The following SMPD4 variants were observed in gnomAD, a reference collection of about 807,000 sequenced individuals.
SMPD4 encodes neutral sphingomyelinase 3.
Under a neutral mutation model 97.8 loss-of-function variants are expected in SMPD4, and 58 were observed. The ratio of observed to expected loss-of-function variants is 0.59; its 90% confidence interval spans 0.48 to 0.74. SMPD4 has a LOEUF of 0.74. Ranked by LOEUF, SMPD4 falls within the 30% of genes least tolerant of loss-of-function variation. The pLI is 0.00. For missense variants in SMPD4, 853 were observed against 1,080.5 expected (o/e 0.79, Z 2.95); for synonymous variants, 388 against 450.0 (o/e 0.86, Z 1.74).
At chr2:130,158,409 C>T in intron 11 of SMPD4, 1 of 343,088 alleles carries the variant, frequency 2.9e-6, no homozygotes, top group Non-Finnish European at 5.4e-6. Context: ...CCTCCGCCTC[C>T]AGGTTCAAGC....
intron 8 of SMPD4, 140 bp from the exon 9 acceptor site, chr2:130,167,730 C>T (rs1004013974): frequency 3.8e-6 from 3 of 797,440 alleles, no homozygotes; most frequent in Non-Finnish European, 5.9e-6. Flanking sequence ...TGCACACCTC[C>T]CCCCAGCCCC....
In SMPD4 at chr2:130,154,152, AAGGAG is replaced by A. The variant is rs1573660259; in HGVS notation, c.1659+120_1659+124del. The stretch of plus-strand genomic sequence containing the variant: ...AAATTAGACTTTACTAAAACGGGGG[AAGGAG>A]ATATGGCGTCAAATCTATACCCAGC... On this transcript the variant is annotated intron_variant, in intron 16 of 19. Transcript: ENST00000680298. 9.6e-5 allele frequency: 120 copies of A among 1,244,300 alleles called. No individual in the cohort carries two copies. The South Asian group carries it at 1.8e-3, about 18-fold the overall frequency. 77.1% of individuals were successfully genotyped at this position (1,244,300 alleles called of 1,614,324 possible).
intron 11 of SMPD4, among the ~76,000 whole-genome samples, chr2:130,158,431 C>G (rs1687051992): frequency 6.6e-6 from 1 of 152,106 alleles, no homozygotes; most frequent in South Asian, 2.1e-4. Context: ...ATTCTCCTGA[C>G]TCAGCCTCCT....
In SMPD4 at chr2:130,153,341, A is replaced by G; in HGVS notation, c.2003T>C (p.Leu668Pro). Residue 668 changes from leucine (L) to proline (P), a missense_variant, in exon 18 of 20, where the codon CTT becomes CCT. Physicochemically the swap from Leu to Pro is moderately conservative, Grantham distance 98. Around this residue, in one of 3 missense-constraint regions of SMPD4, gnomAD observed 511 missense variants for 608.1 expected, o/e 0.84. Transcript: ENST00000680298. ...CACCTGGTACCGCCCCAGGGGCGTA[A>G]GGATGAGTCCGTCCTCACCCACGAT... Reference protein sequence around the residue: ...DCIVGEDGLILTPLGRYQIIN... With the variant: ...DCIVGEDGLIPTPLGRYQIIN... 6.2e-7 allele frequency: 1 copy of G among 1,613,822 alleles called. No homozygotes were observed. Among genetic ancestry groups the G allele is most frequent in the Non-Finnish European group, 8.5e-7 (1 of 1,180,018 alleles).
intron 9 of SMPD4, among the ~76,000 whole-genome samples, chr2:130,166,927 C>T (rs10196643): frequency 0.18 from 27,198 of 148,542 alleles, no homozygotes; most frequent in East Asian, 0.44. Flanking sequence ...AACGAAACAA[C>T]TTCCATGGAC....
intron 8 of SMPD4, among the ~76,000 whole-genome samples, chr2:130,170,458 C>CAAAAAAAAA (rs556058599): frequency 1.9e-4 from 12 of 64,646 alleles, no homozygotes; most frequent in African/African-American, 5.0e-4. Context: ...AAGACCCTGT[C>CAAAAAAAAA]AAAAAAAAAA....
chr2:130,164,581 T>G (rs1687743610), intron 9 of SMPD4, 136 bp from the exon 10 acceptor site: 1 of 675,546 alleles, frequency 1.5e-6, no homozygotes, highest in South Asian at 1.9e-5. Flanking sequence ...GCTGGGCCCT[T>G]CCTTCACACC....
At chr2:130,158,918 C>A (rs942224261) in intron 11 of SMPD4, among the ~76,000 whole-genome samples, 1 of 152,196 alleles carries the variant, frequency 6.6e-6, no homozygotes, top group Non-Finnish European at 1.5e-5. Context: ...CAAGTCTCCC[C>A]GTCAGGAAAC....
chr2:130,174,403 C>G (rs1688777894), intron 3 of SMPD4, among the ~76,000 whole-genome samples: 1 of 152,122 alleles, frequency 6.6e-6, no homozygotes, highest in African/African-American at 2.4e-5. Context: ...AGAGTGAAGC[C>G]CCTGAAACCT....
intron 1 of SMPD4, among the ~76,000 whole-genome samples, chr2:130,176,857 T>C (rs1033626537): frequency 5.9e-5 from 9 of 152,142 alleles, no homozygotes; most frequent in African/African-American, 2.2e-4. Flanking sequence ...TTCTTCTTTT[T>C]TGAGACAGGG....
In SMPD4 at chr2:130,152,820, T is replaced by C; in HGVS notation, c.2219A>G (p.His740Arg). 2 of 1,605,610 alleles carry C rather than the reference T, an allele frequency of 1.2e-6. No homozygotes were observed. Among genetic ancestry groups the C allele is most frequent in the Non-Finnish European group, 1.7e-6 (2 of 1,174,992 alleles). Reference sequence around the variant, plus strand: ...GCTGGCCAGCCCAGGTTCTGTGAGGTGGTAGCGACAGAAGCTGCCGAGGAA... The same window carrying C: ...GCTGGCCAGCCCAGGTTCTGTGAGGCGGTAGCGACAGAAGCTGCCGAGGAA... Reference protein sequence around the residue: ...DDFLGSFCRYHLTEPGLASRH... With the variant: ...DDFLGSFCRYRLTEPGLASRH... Residue 740 changes from histidine to arginine, a missense_variant, in exon 20 of 20, where the codon CAC becomes CGC. Transcript: ENST00000680298.
At chr2:130,181,327 G>A (rs1168301371) in intron 1 of SMPD4, 9 of 1,426,912 alleles carry the variant, frequency 6.3e-6, no homozygotes, top group Admixed American at 5.8e-5. Context: ...AGCCGCGCGG[G>A]AAGGTGGCAC....
rs1484472144 is a variant in SMPD4, at chr2:130,153,686, G to T, written c.1893+16C>A. The stretch of plus-strand genomic sequence containing the variant: ...GGGGACCCTGATGGCGGTGGGGCAG[G>T]CCCCATAGCTCGTACCCGGAATATC... On this transcript the variant is annotated intron_variant, in intron 17 of 19. Transcript: ENST00000680298. The T allele has an allele frequency of 1.2e-6, 2 of 1,612,130 alleles. No homozygotes were observed. The highest frequency in any genetic ancestry group is 1.7e-6 in the Non-Finnish European group (2 of 1,178,792).
intron 8 of SMPD4, among the ~76,000 whole-genome samples, chr2:130,171,343 T>C (rs1286415537): frequency 6.6e-6 from 1 of 151,900 alleles, no homozygotes; most frequent in Non-Finnish European, 1.5e-5. Context: ...CCTCAGGCGA[T>C]CCCTCCACCT....
rs376583869 is a variant in SMPD4, at chr2:130,175,056, G to C, written c.40-56C>G. On this transcript the variant is annotated intron_variant, in intron 2 of 19. Transcript: ENST00000680298. ...GAGGACATTCACTCTGCAGCTTTTAGTGGCACTCTGGCTTGAGTCAAACAG... is the reference window on the plus strand; with the variant it reads ...GAGGACATTCACTCTGCAGCTTTTACTGGCACTCTGGCTTGAGTCAAACAG... 5 of 1,261,882 alleles carry C rather than the reference G, an allele frequency of 4.0e-6. No homozygotes were observed. The East Asian group carries it at 1.2e-4, about 30-fold the overall frequency. 78.2% of individuals were successfully genotyped at this position (1,261,882 alleles called of 1,614,324 possible).
intron 8 of SMPD4, among the ~76,000 whole-genome samples, 179 bp downstream of exon 8, chr2:130,172,170 A>G (rs1558760478): frequency 6.6e-6 from 1 of 152,226 alleles, no homozygotes; most frequent in Non-Finnish European, 1.5e-5. Flanking sequence ...CACTAAGGAC[A>G]GATTGCCCGC....
chr2:130,172,603 G>C, intron 7 of SMPD4, 22 bp downstream of exon 7: 1 of 1,614,034 alleles, frequency 6.2e-7, no homozygotes, highest in Non-Finnish European at 8.5e-7. Flanking sequence ...ACCTCTCCCA[G>C]CAAAAGGCAT....
intron 15 of SMPD4, 199 bp downstream of exon 15, chr2:130,154,897 G>A: frequency 1.4e-6 from 1 of 726,372 alleles, no homozygotes; most frequent in Middle Eastern, 3.9e-4. Context: ...CCAGTGCCTG[G>A]TGGCTGCAGG....
chr2:130,153,342 G>C lies in SMPD4; in HGVS notation c.2002C>G (p.Leu668Val). The C allele has an allele frequency of 6.2e-7, 1 of 1,613,830 alleles. No individual in the cohort carries two copies. Among genetic ancestry groups the C allele is most frequent in the South Asian group, 1.1e-5 (1 of 91,088 alleles). Residue 668 changes from leucine (L) to valine (V), a missense_variant, in exon 18 of 20, where the codon CTT (leucine) becomes GTT (valine). By Grantham distance (32) the Leu-to-Val change is conservative (BLOSUM62 1). Coordinates refer to ENST00000680298, the MANE Select transcript of SMPD4 (RefSeq NM_017951.5). The stretch of plus-strand genomic sequence containing the variant: ...ACCTGGTACCGCCCCAGGGGCGTAA[G>C]GATGAGTCCGTCCTCACCCACGATG... ...DCIVGEDGLILTPLGRYQIIN... is the reference protein window; with the variant it reads ...DCIVGEDGLIVTPLGRYQIIN...
Sources: gnomAD v4.1 joint callset for allele counts (sites outside exome capture counted in the v4.1 genomes callset) on GRCh38, gnomAD v4.1.1 for gene constraint, gnomAD v4.1.1 regional missense constraint, MANE v1.5 for transcripts, NCBI Gene and HGNC (gene_info 2026-07-23, HGNC 2026-07-21) for gene names.